Variants in ZFHX3 observed in about 807,000 individuals in gnomAD.
ZFHX3 encodes zinc finger homeobox 3.
A neutral mutation model predicts 279.1 loss-of-function variants in ZFHX3; 42 were observed. The ratio of observed to expected loss-of-function variants is 0.15; its 90% CI spans 0.12 to 0.19. The LOEUF (loss-of-function observed/expected upper bound fraction) is 0.19. Ranked by LOEUF, ZFHX3 falls within the 10% of genes least tolerant of loss-of-function variation. ZFHX3 has a pLI of 1.00. For synonymous variants in ZFHX3, 2,293 were observed against 1,957.8 expected (o/e 1.17, Z -4.52); for missense variants, 4,981 against 4,754.0 (o/e 1.05, Z -1.40).
At chr16:73,810,011 CAA>C (rs1232501142) in intron 1 of ZFHX3, among the ~76,000 whole-genome samples, 3 of 152,062 alleles carry the variant, frequency 2.0e-5, no homozygotes, top group Admixed American at 2.0e-4. Context: ...GCCTTTGCAC[CAA>C]AGAGGCAAAT....
chr16:73,780,296 T>C (rs148751967), intron 1 of ZFHX3, among the ~76,000 whole-genome samples: 35 of 151,306 alleles, frequency 2.3e-4, no homozygotes, highest in African/African-American at 7.3e-4. Flanking sequence ...TACAGGCATA[T>C]GCCACCACGC....
intron 2 of ZFHX3, among the ~76,000 whole-genome samples, chr16:73,615,448 CA>C (rs928382655): frequency 6.6e-6 from 1 of 152,190 alleles, no homozygotes; most frequent in African/African-American, 2.4e-5. Context: ...GAATCTTTCT[CA>C]AAGGGGCTGG....
In ZFHX3 at chr16:72,788,810, T is replaced by C. The variant is rs774756480; in HGVS notation, c.9466A>G (p.Ser3156Gly). The stretch of plus-strand genomic sequence containing the variant: ...AGGCCAGGGGAAGGAACAGTTGTGC[T>C]GGGCAGACCCATCAAGTTCGGCTTA... ...SPKPNLMGLP[S>G]TTVPSPGLPT... Residue 3156 changes from serine to glycine, a missense_variant, in exon 10 of 10, where the codon AGC (serine) becomes GGC (glycine). Ser to Gly is a moderately conservative substitution (Grantham distance 56, BLOSUM62 0). This residue lies in a region of ZFHX3 where 1,034 missense variants were observed against 786.0 expected (regional missense o/e 1.32). Transcript: ENST00000268489. The C allele has an allele frequency of 3.3e-6, 5 of 1,526,540 alleles. No homozygotes were observed. In the South Asian group the frequency reaches 6.6e-5, roughly 20 times the overall value. The allele number at this position is 1,526,540 out of a possible 1,614,324, so 94.6% of individuals were successfully genotyped here. A position where few individuals can be genotyped will look rare whatever the true frequency, so the allele number is the denominator to read the frequency against.
intron 2 of ZFHX3, among the ~76,000 whole-genome samples, chr16:73,490,217 C>A (rs2019036608): frequency 6.6e-6 from 1 of 152,186 alleles, no homozygotes; most frequent in Non-Finnish European, 1.5e-5. Context: ...GGAATAACAT[C>A]AGCTGCTTCA....
rs190348969 is a variant in ZFHX3, at chr16:73,223,474, C to T, written c.-1104+33573G>A. 7.9e-5 allele frequency among the ~76,000 whole-genome samples: 12 copies of T among 152,166 alleles called. No individual in the cohort carries two copies. In the East Asian group the frequency reaches 2.3e-3, roughly 29 times the overall value. ...TAAACAAGCATATAAGAAGATGCTC[C>T]ATGTCATATATCATCAAGAAAGTGC... On this transcript the variant is annotated intron_variant, in intron 5 of 17. Coordinates refer to the ZFHX3 transcript ENST00000641206.
intron 2 of ZFHX3, among the ~76,000 whole-genome samples, chr16:73,595,975 CT>C (rs1244178582): frequency 7.2e-6 from 1 of 138,744 alleles, no homozygotes; most frequent in Non-Finnish European, 1.5e-5. Context: ...CCGACCATTA[CT>C]TTTTTATTTT....
intron 5 of ZFHX3, among the ~76,000 whole-genome samples, chr16:73,209,607 G>A (rs2011937619): frequency 6.6e-6 from 1 of 152,146 alleles, no homozygotes; most frequent in Admixed American, 6.5e-5. Context: ...TGTTGTGTTG[G>A]GAGTTAAATT....
intron 3 of ZFHX3, among the ~76,000 whole-genome samples, chr16:73,350,463 G>A (rs575762442): frequency 1.5e-4 from 23 of 152,190 alleles, no homozygotes; most frequent in African/African-American, 2.6e-4. Context: ...CCATAATTCC[G>A]GCCATACGTC....
At chr16:72,932,456 T>G (rs943847546) in intron 3 of ZFHX3, among the ~76,000 whole-genome samples, 5 of 151,102 alleles carry the variant, frequency 3.3e-5, no homozygotes, top group Admixed American at 3.3e-4. Flanking sequence ...GAGATGGAGA[T>G]ATCCCTTTGG....
At chr16:73,688,058 C>T (rs906798243) in intron 1 of ZFHX3, among the ~76,000 whole-genome samples, 2 of 151,724 alleles carry the variant, frequency 1.3e-5, no homozygotes, top group Admixed American at 1.3e-4. Context: ...TGTGTCTCCC[C>T]AAAATTCACA....
intron 5 of ZFHX3, among the ~76,000 whole-genome samples, chr16:73,187,044 A>G (rs968798693): frequency 6.6e-6 from 1 of 152,140 alleles, no homozygotes; most frequent in African/African-American, 2.4e-5. Context: ...AAGGTTGTGG[A>G]AAGACTGTGG....
At chr16:72,965,804 G>C (rs910938264) in intron 1 of ZFHX3, among the ~76,000 whole-genome samples, 3 of 152,200 alleles carry the variant, frequency 2.0e-5, no homozygotes, top group African/African-American at 7.2e-5. Context: ...GTTCTTCATA[G>C]TTTTCAAACA....
intron 1 of ZFHX3, among the ~76,000 whole-genome samples, chr16:73,700,739 A>T (rs1331256773): frequency 6.6e-6 from 1 of 152,244 alleles, no homozygotes; most frequent in Admixed American, 6.5e-5. Context: ...AAAGCAATCA[A>T]GGTTCTAGGG....
At chr16:72,924,800 T>C (rs1386537964) in intron 3 of ZFHX3, among the ~76,000 whole-genome samples, 3 of 152,256 alleles carry the variant, frequency 2.0e-5, no homozygotes, top group Non-Finnish European at 2.9e-5. Context: ...CACTCTCGTT[T>C]AGCCCCCGCC....
At chr16:73,760,615 G>A (rs2053853867) in intron 1 of ZFHX3, among the ~76,000 whole-genome samples, 2 of 152,138 alleles carry the variant, frequency 1.3e-5, no homozygotes, top group African/African-American at 2.4e-5. Flanking sequence ...ACATCAAAAA[G>A]CTTATCCACT....
At chr16:72,936,189 A>G (rs1405742786) in intron 3 of ZFHX3, among the ~76,000 whole-genome samples, 1 of 152,232 alleles carries the variant, frequency 6.6e-6, no homozygotes, top group Non-Finnish European at 1.5e-5. Flanking sequence ...TCCACTTTAC[A>G]CCAACATATG....
At position 72,950,821 on chromosome 16, in the gene ZFHX3, G is replaced by A. The variant is rs1479929505; in HGVS notation, c.2864C>T (p.Thr955Met). 3 of 1,614,162 alleles carry A rather than the reference G, an allele frequency of 1.9e-6. No individual in the cohort carries two copies. The highest frequency in any genetic ancestry group is 8.5e-7 in the Non-Finnish European group (1 of 1,180,046). ...FQCAVCNKFT[T>M]DNLDMLGLHM... ...CAGGCCCAGCATGTCCAGGTTGTCC[G>A]TCGTGAACTTGTTGCAGACGGCGCA... The change falls in exon 3 of 10, where the codon ACG becomes ATG. Residue 955 changes from threonine (T) to methionine (M), a missense_variant. Physicochemically the swap from Thr to Met is moderately conservative, Grantham distance 81. This residue lies in a region of ZFHX3 where 1,751 missense variants were observed against 1,770.0 expected (regional missense o/e 0.99). Coordinates refer to ENST00000268489, the MANE Select transcript of ZFHX3 (RefSeq NM_006885.4).
At chr16:73,029,743 T>C (rs1007291114) in intron 1 of ZFHX3, among the ~76,000 whole-genome samples, 1 of 152,184 alleles carries the variant, frequency 6.6e-6, no homozygotes, top group Admixed American at 6.5e-5. Flanking sequence ...TGGACATCTT[T>C]AGGTGGCTGT....
intron 1 of ZFHX3, among the ~76,000 whole-genome samples, chr16:73,844,517 C>T (rs1305128206): frequency 6.6e-6 from 1 of 152,002 alleles, no homozygotes. Flanking sequence ...ATCACTTAAT[C>T]CTTATAACAG....
Sources: allele counts gnomAD v4.1 joint callset (sites outside exome capture counted in the v4.1 genomes callset), GRCh38; gene constraint gnomAD v4.1.1; regional missense constraint gnomAD v4.1.1; transcripts MANE v1.5; gene names NCBI Gene and HGNC (gene_info 2026-07-23, HGNC 2026-07-21).